Variants in ABTB3 observed in about 807,000 individuals in gnomAD.
The protein encoded by ABTB3 is ankyrin repeat and BTB domain containing 3.
chr12:107,644,972 C>CTT, the ABTB3 span, among the ~76,000 whole-genome samples: 160 of 127,182 alleles, frequency 1.3e-3, 2 homozygotes, highest in East Asian at 4.2e-3. Flanking sequence ...TCAAAATTCA[C>CTT]TTTTTTTTTT....
At chr12:107,381,234 G>C in the ABTB3 span, among the ~76,000 whole-genome samples, 1 of 152,196 alleles carries the variant, frequency 6.6e-6, no homozygotes, top group African/African-American at 2.4e-5. Context: ...GCCCACTACT[G>C]TCTCCCCAGC....
the ABTB3 span, among the ~76,000 whole-genome samples, chr12:107,356,363 C>T: frequency 3.9e-5 from 6 of 152,202 alleles, no homozygotes; most frequent in African/African-American, 1.4e-4. Flanking sequence ...ACTTCCCCTT[C>T]CTTATGGAGA....
the ABTB3 span, chr12:107,620,073 A>G: frequency 1.2e-6 from 2 of 1,614,162 alleles, no homozygotes; most frequent in Admixed American, 1.7e-5. Flanking sequence ...TGCTTGTTAA[A>G]GGAGTTTAAG....
chr12:107,604,003 A>G, the ABTB3 span, among the ~76,000 whole-genome samples: 2 of 152,082 alleles, frequency 1.3e-5, no homozygotes, highest in East Asian at 3.9e-4. Flanking sequence ...CCCCATCTCT[A>G]CTAAAAATAC....
At chr12:107,519,291 CAT>C in the ABTB3 span, among the ~76,000 whole-genome samples, 1 of 151,756 alleles carries the variant, frequency 6.6e-6, no homozygotes, top group Non-Finnish European at 1.5e-5. Flanking sequence ...GCAGACAGCA[CAT>C]GTTTTTCTTT....
the ABTB3 span, among the ~76,000 whole-genome samples, chr12:107,504,996 A>G: frequency 6.6e-6 from 1 of 152,218 alleles, no homozygotes; most frequent in East Asian, 1.9e-4. Context: ...CATTAACTCA[A>G]CTTGTGTTTA....
chr12:107,341,341 G>A, the ABTB3 span, among the ~76,000 whole-genome samples: 1 of 152,158 alleles, frequency 6.6e-6, no homozygotes, highest in Non-Finnish European at 1.5e-5. Context: ...AGACTCCCTG[G>A]CAGGGGAGTC....
chr12:107,409,057 G>A, the ABTB3 span, among the ~76,000 whole-genome samples: 1 of 152,210 alleles, frequency 6.6e-6, no homozygotes, highest in Non-Finnish European at 1.5e-5. Flanking sequence ...TTTAAAGGAA[G>A]AGTCAGCTAA....
chr12:107,471,866 C>T, the ABTB3 span, among the ~76,000 whole-genome samples: 31 of 152,212 alleles, frequency 2.0e-4, no homozygotes, highest in African/African-American at 7.2e-4. Flanking sequence ...GCAAATTGAC[C>T]CCAGACTGTG....
the ABTB3 span, among the ~76,000 whole-genome samples, chr12:107,449,220 G>A: frequency 6.6e-6 from 1 of 152,148 alleles, no homozygotes; most frequent in Non-Finnish European, 1.5e-5. Context: ...ACATCAGAAG[G>A]TGCTATTGGG....
the ABTB3 span, among the ~76,000 whole-genome samples, chr12:107,351,802 C>T: frequency 1.3e-5 from 2 of 152,100 alleles, no homozygotes; most frequent in Non-Finnish European, 2.9e-5. Context: ...TATAGCAACA[C>T]AAAACAGACT....
At chr12:107,572,282 C>T in the ABTB3 span, among the ~76,000 whole-genome samples, 1 of 151,984 alleles carries the variant, frequency 6.6e-6, no homozygotes, top group Non-Finnish European at 1.5e-5. Flanking sequence ...GGAATGGACT[C>T]TCTCCTAGAT....
At chr12:107,482,943 T>C in the ABTB3 span, among the ~76,000 whole-genome samples, 2 of 27,006 alleles carry the variant, frequency 7.4e-5, no homozygotes, top group Non-Finnish European at 7.6e-5. Context: ...TTTCTTTCTT[T>C]CTTTCTTTCT....
At chr12:107,396,289 C>T in the ABTB3 span, among the ~76,000 whole-genome samples, 3 of 152,202 alleles carry the variant, frequency 2.0e-5, no homozygotes, top group East Asian at 1.9e-4. Flanking sequence ...CTTCTGCCCC[C>T]ACCTTCTTCC....
At chr12:107,618,030 C>G in the ABTB3 span, 2 of 794,690 alleles carry the variant, frequency 2.5e-6, no homozygotes, top group Non-Finnish European at 4.0e-6. Context: ...CTGAAAGTGC[C>G]ACCCATTGAT....
chr12:107,535,613 A>G, the ABTB3 span, among the ~76,000 whole-genome samples: 3 of 152,222 alleles, frequency 2.0e-5, no homozygotes, highest in Admixed American at 2.0e-4. Flanking sequence ...TAGTGTTTCT[A>G]TATGCCAATA....
chr12:107,586,989 G>A, the ABTB3 span, among the ~76,000 whole-genome samples: 1 of 152,200 alleles, frequency 6.6e-6, no homozygotes, highest in Non-Finnish European at 1.5e-5. Flanking sequence ...AAGGGGAAAA[G>A]GCATTAGAGA....
At chr12:107,577,394 T>C in the ABTB3 span, among the ~76,000 whole-genome samples, 6 of 152,250 alleles carry the variant, frequency 3.9e-5, no homozygotes, top group African/African-American at 1.2e-4. Context: ...ACCAGGCCTT[T>C]CTCACATCCT....
chr12:107,377,301 G>T, the ABTB3 span, among the ~76,000 whole-genome samples: 3 of 152,168 alleles, frequency 2.0e-5, no homozygotes, highest in South Asian at 6.2e-4. Context: ...CCTCTGTTGA[G>T]ACTGCATCAC....
Sources: gnomAD v4.1 joint callset for allele counts (sites outside exome capture counted in the v4.1 genomes callset) on GRCh38, gnomAD v4.1.1 for gene constraint, MANE v1.5 for transcripts, NCBI Gene and HGNC (gene_info 2026-07-23, HGNC 2026-07-21) for gene names.